CDHR5: variants seen among roughly 807,000 people sequenced by gnomAD.
CDHR5 encodes cadherin-related family member 5.
Under a neutral mutation model 69.5 loss-of-function variants are expected in CDHR5, and 82 were observed. The ratio of observed to expected loss-of-function variants is 1.18; its 90% CI spans 0.99 to 1.42. CDHR5 has a LOEUF of 1.42. Among genes scored for constraint, CDHR5 ranks in the 40% most tolerant of loss-of-function variants. CDHR5 has a pLI of 0.00. For synonymous variants in CDHR5, 601 were observed against 510.2 expected (o/e 1.18, Z -2.40); for missense variants, 1,293 against 1,168.9 (o/e 1.11, Z -1.55).
At chr11:618,549 A>G in intron 13 of CDHR5, 50 bp downstream of exon 13, 1 of 1,602,068 alleles carries the variant, frequency 6.2e-7, no homozygotes, top group Non-Finnish European at 8.5e-7. Flanking sequence ...CGTTTCCCAT[A>G]CCAGCCAATG....
Position 617,067 on chromosome 11 carries a change from C to T in CDHR5, c.*284G>A, listed in dbSNP as rs1856946821. The T allele has an allele frequency of 4.0e-6, 2 of 500,778 alleles. No homozygotes were observed. Among genetic ancestry groups the T allele is most frequent in the Non-Finnish European group, 3.6e-6 (1 of 281,414 alleles). The allele number at this position is 500,778 out of a possible 1,614,324, so 31.0% of individuals were successfully genotyped here. On this transcript the variant is annotated 3_prime_UTR_variant, in exon 15 of 15. Transcript: ENST00000397542. Reference sequence around the variant, plus strand: ...GAGAGGAACTTCCCAGACTAGCTGGCACAGAGCCTCGGGAAGGCGGCGGGC... The same window carrying T: ...GAGAGGAACTTCCCAGACTAGCTGGTACAGAGCCTCGGGAAGGCGGCGGGC...
At chr11:623,997 A>T (rs888481345) in intron 3 of CDHR5, among the ~76,000 whole-genome samples, 1 of 152,034 alleles carries the variant, frequency 6.6e-6, no homozygotes, top group Non-Finnish European at 1.5e-5. Context: ...AGTCTTGGGC[A>T]CACTGGATGG....
chr11:619,010 T>C lies in CDHR5; in HGVS notation c.1549A>G (p.Thr517Ala), dbSNP rs1363119324. The C allele has an allele frequency of 6.2e-7, 1 of 1,613,070 alleles. No individual in the cohort carries two copies. Among genetic ancestry groups the C allele is most frequent in the Admixed American group, 1.7e-5 (1 of 59,926 alleles). Residue 517 changes from threonine to alanine, a missense_variant, in exon 13 of 15, where the codon ACA becomes GCA. By Grantham distance (58) the Thr-to-Ala change is moderately conservative. Coordinates refer to ENST00000397542, the MANE Select transcript of CDHR5 (RefSeq NM_021924.5). ...GTTLRPPTSS[T>A]PGGPPGAENS... ...TCTGCACCCGGGGGCCCCCCGGGTG[T>C]GGACGAGGTTGGTGGCCTCAGAGTT...
At position 619,683 on chromosome 11, in the gene CDHR5, A is replaced by G; in HGVS notation, c.1177T>C (p.Ser393Pro). The change falls in exon 10 of 15, where the codon TCG (serine) becomes CCG (proline). Residue 393 changes from serine to proline, a missense_variant and splice_region_variant. Coordinates refer to ENST00000397542, the MANE Select transcript of CDHR5 (RefSeq NM_021924.5). ...LRIQAQDPEFSDLNSAITYRI... is the reference protein window; with the variant it reads ...LRIQAQDPEFPDLNSAITYRI... ...GAGGCCTTGGATGCACTCTCTACCG[A>G]GAACTCCGGGTCCTGAGCCTGGATC... The G allele has an allele frequency of 6.2e-7, 1 of 1,613,252 alleles. No homozygotes were observed. The highest frequency in any genetic ancestry group is 8.5e-7 in the Non-Finnish European group (1 of 1,179,910).
rs1857608619 is a variant in CDHR5 at position 624,562 on chromosome 11, A to G, written c.256T>C (p.Tyr86His). The G allele has an allele frequency of 7.5e-6, 12 of 1,606,622 alleles. No homozygotes were observed. Among genetic ancestry groups the G allele is most frequent in the Non-Finnish European group, 1.0e-5 (12 of 1,174,956 alleles). The change falls in exon 2 of 15, where the codon TAC (tyrosine) becomes CAC (histidine). Residue 86 changes from tyrosine (Y) to histidine (H), a missense_variant. Physicochemically the swap from Tyr to His is moderately conservative, Grantham distance 83. Transcript: ENST00000397542. The surrounding 1 kb of genome is among the most constrained non-coding windows in gnomAD (Gnocchi z 5.3). ...NQLFLNVTPD[Y>H]EEKSLLEAQL... ...CGCCCGCCTGCCGCCCACACCTCGT[A>G]ATCAGGAGTCACGTTGAGAAACAGC...
chr11:621,844 G>A lies in CDHR5; in HGVS notation c.373C>T (p.Pro125Ser). Reference protein sequence around the residue: ...LDVNDNAPEFPFKTKEIRVEE... With the variant: ...LDVNDNAPEFSFKTKEIRVEE... ...ACCCTTATCTCCTTGGTCTTAAAGG[G>A]GAATTCGGGGGCATTGTCATTGACG... The change falls in exon 4 of 15, where the codon CCC becomes TCC. Residue 125 changes from proline (P) to serine (S), a missense_variant. By Grantham distance (74) the Pro-to-Ser change is moderately conservative (BLOSUM62 -1). Coordinates refer to ENST00000397542, the MANE Select transcript of CDHR5 (RefSeq NM_021924.5). This position sits in a 1 kb window ranked among gnomAD's most constrained non-coding sequence, Gnocchi z 4.4. The A allele has an allele frequency of 6.2e-7, 1 of 1,613,718 alleles. No individual in the cohort carries two copies.
At chr11:622,316 T>C (rs1394275830) in intron 3 of CDHR5, among the ~76,000 whole-genome samples, 2 of 152,238 alleles carry the variant, frequency 1.3e-5, no homozygotes, top group African/African-American at 4.8e-5. Context: ...AAAAGGACTT[T>C]ATAAAGCCAG....
chr11:623,404 A>G (rs1857535661), intron 3 of CDHR5, among the ~76,000 whole-genome samples: 1 of 152,188 alleles, frequency 6.6e-6, no homozygotes, highest in Admixed American at 6.5e-5. Flanking sequence ...GTGTGCTGGT[A>G]GGTGAGGGGG....
In CDHR5 at chr11:617,886, C is replaced by A. The variant is rs369792192; in HGVS notation, c.2118+68G>T. 2.3e-4 allele frequency: 354 copies of A among 1,553,048 alleles called. 3 individuals are homozygous for A. The South Asian group carries it at 4.0e-3, about 18-fold the overall frequency. On this transcript the variant is annotated intron_variant, in intron 14 of 14. Transcript: ENST00000397542. ...TCTCCACATCTGTCCCTCTGCCCTC[C>A]CCTCTCCTGTCCCCCGTCCCCCACT...
intron 8 of CDHR5, 32 bp downstream of exon 8, chr11:620,264 C>A: frequency 6.3e-7 from 1 of 1,590,814 alleles, no homozygotes; most frequent in South Asian, 1.1e-5. Context: ...AGAGGGGGTA[C>A]AGGGCATTGT....
rs780540410 is a variant in CDHR5 at position 619,726 on chromosome 11, G to T, written c.1134C>A (p.Ala378=). The T allele has an allele frequency of 1.9e-6, 3 of 1,612,896 alleles. No individual in the cohort carries two copies. The South Asian group carries it at 3.3e-5, about 18-fold the overall frequency. ...GAGVVVKDAA[A]PSQPLRIQAQ... ...CCTGGATCCTCAGAGGCTGAGAAGG[G>T]GCAGCTGCATCCTTGACCACAACGC... The change falls in exon 10 of 15, where the codon GCC becomes GCA. Residue 378 remains alanine, a synonymous_variant. Transcript: ENST00000397542.
chr11:618,308 G>C (rs566717381), intron 13 of CDHR5, among the ~76,000 whole-genome samples, 197 bp from the exon 14 acceptor site: 1 of 152,348 alleles, frequency 6.6e-6, no homozygotes, highest in East Asian at 1.9e-4. Flanking sequence ...TCCCCCCCGG[G>C]AGGCCAAGCT....
chr11:620,941 C>A lies in CDHR5; in HGVS notation c.789+139G>T, dbSNP rs573742576. 4.2e-5 allele frequency: 26 copies of A among 615,320 alleles called. No individual in the cohort carries two copies. The African/African-American group carries it at 4.6e-4, about 11-fold the overall frequency. The allele number at this position is 615,320 out of a possible 1,614,324, so 38.1% of individuals were successfully genotyped here. Reference sequence around the variant, plus strand: ...AGGGTTGGTTTACAAGGAGAGTCTGCATTTGTTTCAAAATCACGACCGAAA... The same window carrying A: ...AGGGTTGGTTTACAAGGAGAGTCTGAATTTGTTTCAAAATCACGACCGAAA... On this transcript the variant is annotated intron_variant, in intron 7 of 14. Transcript: ENST00000397542.
At chr11:623,573 G>T (rs189215251) in intron 3 of CDHR5, among the ~76,000 whole-genome samples, 175 of 152,256 alleles carry the variant, frequency 1.1e-3, no homozygotes, top group African/African-American at 4.1e-3. Flanking sequence ...GGTGAGGGAG[G>T]GGCGTGCCTG....
intron 12 of CDHR5, 57 bp from the exon 13 acceptor site, chr11:619,237 G>A (rs1018250336): frequency 5.8e-5 from 86 of 1,470,880 alleles, no homozygotes; most frequent in African/African-American, 1.3e-4. Context: ...CACACCTACC[G>A]CGGGAAAGGA....
Position 618,775 on chromosome 11 carries a change from G to T in CDHR5, c.1784C>A (p.Ala595Asp), listed in dbSNP as rs754323208. The T allele has an allele frequency of 6.2e-7, 1 of 1,604,952 alleles. No homozygotes were observed. Among genetic ancestry groups the T allele is most frequent in the Non-Finnish European group, 8.5e-7 (1 of 1,178,096 alleles). Residue 595 changes from alanine to aspartate, a missense_variant, in exon 13 of 15, where the codon GCC (alanine) becomes GAC (aspartate). Coordinates refer to ENST00000397542, the MANE Select transcript of CDHR5 (RefSeq NM_021924.5). ...SMGTSTSHQP[A>D]TPGGGTAQTP... is the part of the protein sequence containing the mutation. ...CTGTGCTGTGCCCCCACCGGGTGTG[G>T]CTGGTTGGTGGGAGGTGCTGGTTCC... is the stretch of plus-strand genomic sequence containing the variant.
chr11:623,178 G>A (rs550157716), intron 3 of CDHR5, among the ~76,000 whole-genome samples: 27 of 152,184 alleles, frequency 1.8e-4, no homozygotes, highest in African/African-American at 3.1e-4. Context: ...CCGTGGTGGC[G>A]CATGCTTGTA....
chr11:620,588 A>G (rs558186636), intron 7 of CDHR5, among the ~76,000 whole-genome samples: 1 of 152,282 alleles, frequency 6.6e-6, no homozygotes, highest in South Asian at 2.1e-4. Context: ...TTACTAATGA[A>G]TGAGTCCAGT....
rs1181469799 is a variant in CDHR5 at position 624,454 on chromosome 11, G to A, written c.261+103C>T. On this transcript the variant is annotated intron_variant, in intron 2 of 14. Transcript: ENST00000397542. This position sits in a 1 kb window ranked among gnomAD's most constrained non-coding sequence, Gnocchi z 5.3. ...CCACCAAGCATGGGTGTCAGTGGAT[G>A]CCCGCAGGCATAGAACTCCTAGGCC... is the stretch of plus-strand genomic sequence containing the variant. 1 of 1,195,052 alleles carries A rather than the reference G, an allele frequency of 8.4e-7. No individual in the cohort carries two copies. Among genetic ancestry groups the A allele is most frequent in the African/African-American group, 1.5e-5 (1 of 66,680 alleles). 74.0% of individuals were successfully genotyped at this position (1,195,052 alleles called of 1,614,324 possible).
Sources: gnomAD v4.1 joint callset for allele counts (sites outside exome capture counted in the v4.1 genomes callset) on GRCh38, gnomAD v4.1.1 for gene constraint, Gnocchi (gnomAD v3.1) non-coding constraint, MANE v1.5 for transcripts, NCBI Gene and HGNC (gene_info 2026-07-23, HGNC 2026-07-21) for gene names.